The following PTPN9 variants were observed in gnomAD, a reference collection of about 807,000 sequenced individuals.
The protein encoded by PTPN9 is tyrosine-protein phosphatase non-receptor type 9.
A neutral mutation model predicts 69.8 loss-of-function variants in PTPN9; 26 were observed. The ratio of observed to expected loss-of-function variants is 0.37; its 90% CI spans 0.27 to 0.52. PTPN9 has a LOEUF of 0.52. Among genes scored for constraint, PTPN9 ranks in the 20% least tolerant of loss-of-function variants. PTPN9 has a pLI of 0.91. For missense variants in PTPN9, 549 were observed against 740.3 expected, an observed-to-expected ratio of 0.74 and a Z score of 3.00; for synonymous variants, 274 against 272.5, an observed-to-expected ratio of 1.01 and a Z score of -0.05.
chr15:75,558,188 C>A (rs1309754004), intron 1 of PTPN9, among the ~76,000 whole-genome samples: 1 of 152,112 alleles, frequency 6.6e-6, no homozygotes, highest in East Asian at 1.9e-4. Flanking sequence ...ATTAGCTGGG[C>A]GTGGTTGCTT....
chr15:75,469,204 G>C (rs538210845), intron 12 of PTPN9, among the ~76,000 whole-genome samples: 1 of 152,352 alleles, frequency 6.6e-6, no homozygotes, highest in Non-Finnish European at 1.5e-5. Flanking sequence ...CATACACTTG[G>C]GGTAACAGGA....
At chr15:75,502,571 TA>T (rs1475909849) in intron 7 of PTPN9, among the ~76,000 whole-genome samples, 1 of 152,170 alleles carries the variant, frequency 6.6e-6, no homozygotes, top group Non-Finnish European at 1.5e-5. Flanking sequence ...AGTTATCAAC[TA>T]GTTACGAGCC....
intron 1 of PTPN9, among the ~76,000 whole-genome samples, chr15:75,542,641 G>A (rs1189900389): frequency 2.0e-5 from 3 of 152,242 alleles, no homozygotes; most frequent in African/African-American, 7.2e-5. Flanking sequence ...CAGAAGTGAA[G>A]GGCTAAGGTT....
intron 1 of PTPN9, among the ~76,000 whole-genome samples, chr15:75,539,735 G>C (rs1204885260): frequency 6.7e-6 from 1 of 150,208 alleles, no homozygotes; most frequent in Non-Finnish European, 1.5e-5. Flanking sequence ...GCAGCGGTGT[G>C]ATCTCGGCTC....
chr15:75,469,738 C>T (rs1244044774), intron 12 of PTPN9, 54 bp downstream of exon 12: 11 of 1,575,048 alleles, frequency 7.0e-6, no homozygotes, highest in Non-Finnish European at 9.6e-6. Context: ...TTTGTTTTTC[C>T]TCGTCCACCC....
At chr15:75,530,026 AC>A (rs1382732966) in intron 1 of PTPN9, among the ~76,000 whole-genome samples, 1 of 151,270 alleles carries the variant, frequency 6.6e-6, no homozygotes, top group Non-Finnish European at 1.5e-5. Context: ...ATATGGTGAA[AC>A]CCCGTCTCTA....
At position 75,523,380 on chromosome 15, in the gene PTPN9, T is replaced by A. The variant is rs2074913528; in HGVS notation, c.298-135A>T. 10 of 1,003,764 alleles carry A rather than the reference T, an allele frequency of 1.0e-5. No homozygotes were observed. The Admixed American group carries it at 2.4e-4, about 25-fold the overall frequency. 62.2% of individuals were successfully genotyped at this position (1,003,764 alleles called of 1,614,324 possible). ...ACAATAATTCCCTGACTTCACCAAT[T>A]GCTGTCCAAAGGGAAGAGTGTTAAT... On this transcript the variant is annotated intron_variant, in intron 3 of 12. Coordinates refer to ENST00000618819, the MANE Select transcript of PTPN9 (RefSeq NM_002833.4).
intron 1 of PTPN9, among the ~76,000 whole-genome samples, chr15:75,572,832 G>T (rs1475089154): frequency 6.6e-6 from 1 of 152,144 alleles, no homozygotes; most frequent in Non-Finnish European, 1.5e-5. Context: ...GAAATGGAGA[G>T]TTGACAACTC....
intron 1 of PTPN9, among the ~76,000 whole-genome samples, chr15:75,555,449 A>G (rs996164407): frequency 6.6e-5 from 10 of 152,090 alleles, no homozygotes; most frequent in Non-Finnish European, 1.3e-4. Context: ...CAGCAGGCCT[A>G]GGGCAGGACT....
At chr15:75,481,896 G>T (rs370155644) in intron 8 of PTPN9, among the ~76,000 whole-genome samples, 1 of 145,830 alleles carries the variant, frequency 6.9e-6, no homozygotes, top group Admixed American at 6.9e-5. Flanking sequence ...GCCTCTGCCC[G>T]GCCGCCCCTA....
At position 75,578,886 on chromosome 15, in the gene PTPN9, G is replaced by A. The variant is rs1190808564; in HGVS notation, c.-110C>T. 5.4e-6 allele frequency: 4 copies of A among 734,530 alleles called. No individual in the cohort carries two copies. Among genetic ancestry groups the A allele is most frequent in the Non-Finnish European group, 5.4e-6 (3 of 552,996 alleles). The allele number at this position is 734,530 out of a possible 1,614,324, so 45.5% of individuals were successfully genotyped here. A position where few individuals can be genotyped will look rare whatever the true frequency, so the allele number is the denominator to read the frequency against. Reference sequence around the variant, plus strand: ...CGCCTCAGCAGCCCGGGGCCGGCTCGCGCATAGTGTGGCCGGCAGGGCCCG... The same window carrying A: ...CGCCTCAGCAGCCCGGGGCCGGCTCACGCATAGTGTGGCCGGCAGGGCCCG... On this transcript the variant is annotated 5_prime_UTR_variant, in exon 1 of 13. Coordinates refer to ENST00000618819, the MANE Select transcript of PTPN9 (RefSeq NM_002833.4).
At chr15:75,519,325 G>C (rs879566389) in intron 4 of PTPN9, among the ~76,000 whole-genome samples, 2 of 151,846 alleles carry the variant, frequency 1.3e-5, no homozygotes, top group Non-Finnish European at 2.9e-5. Context: ...GGCTGGTCTC[G>C]AACTCCTGAC....
intron 1 of PTPN9, among the ~76,000 whole-genome samples, chr15:75,574,669 G>A (rs1012259972): frequency 2.6e-5 from 4 of 151,898 alleles, no homozygotes; most frequent in African/African-American, 4.8e-5. Context: ...AGCCAGGCGC[G>A]GTGGCTCACG....
At chr15:75,530,143 T>C (rs1240761700) in intron 1 of PTPN9, among the ~76,000 whole-genome samples, 1 of 135,684 alleles carries the variant, frequency 7.4e-6, no homozygotes, top group Non-Finnish European at 1.5e-5. Context: ...GGGGTTGTAG[T>C]GAGCCAAGAT....
At chr15:75,550,418 G>A (rs1341195602) in intron 1 of PTPN9, among the ~76,000 whole-genome samples, 2 of 150,908 alleles carry the variant, frequency 1.3e-5, no homozygotes, top group Non-Finnish European at 3.0e-5. Context: ...CACCTGCCTT[G>A]GCCTCCCAAA....
In PTPN9 at chr15:75,463,662, G is replaced by T. The variant is rs954436312; in HGVS notation, c.*5107C>A. ...CATTGTAACAGGTTTCAAGGTGCTA[G>T]ATTTTTTTTCCCCCAAGAAAACATC... On this transcript the variant is annotated 3_prime_UTR_variant, in exon 13 of 13. Coordinates refer to ENST00000618819, the MANE Select transcript of PTPN9 (RefSeq NM_002833.4). 1.3e-5 allele frequency: 2 copies of T among 152,158 alleles called. No individual in the cohort carries two copies. Among genetic ancestry groups the T allele is most frequent in the African/African-American group, 2.4e-5 (1 of 41,440 alleles). The allele number at this position is 152,158 out of a possible 1,614,324, so 9.4% of individuals were successfully genotyped here. A position where few individuals can be genotyped will look rare whatever the true frequency, so the allele number is the denominator to read the frequency against.
chr15:75,555,314 T>C (rs916509095), intron 1 of PTPN9, among the ~76,000 whole-genome samples: 1 of 152,106 alleles, frequency 6.6e-6, no homozygotes, highest in Non-Finnish European at 1.5e-5. Flanking sequence ...AATTCACTTC[T>C]AGATGTTTCC....
intron 7 of PTPN9, among the ~76,000 whole-genome samples, chr15:75,491,174 G>A (rs562290400): frequency 1.4e-3 from 209 of 152,098 alleles, no homozygotes; most frequent in South Asian, 3.1e-3. Flanking sequence ...AGGCCAAGGC[G>A]GGTGGATCAC....
intron 6 of PTPN9, 22 bp from the exon 7 acceptor site, chr15:75,506,025 TG>T: frequency 6.4e-7 from 1 of 1,554,532 alleles, no homozygotes; most frequent in East Asian, 2.2e-5. Flanking sequence ...GAAAGAACCA[TG>T]TGAGTATGTG....
Sources: gnomAD v4.1 joint callset for allele counts (sites outside exome capture counted in the v4.1 genomes callset) on GRCh38, gnomAD v4.1.1 for gene constraint, MANE v1.5 for transcripts, NCBI Gene and HGNC (gene_info 2026-07-23, HGNC 2026-07-21) for gene names.